Variants in USP42 observed in about 807,000 individuals in gnomAD.
The protein encoded by USP42 is ubiquitin carboxyl-terminal hydrolase 42.
Under a neutral mutation model 113.0 loss-of-function variants are expected in USP42, and 23 were observed. The ratio of observed to expected loss-of-function variants is 0.20; its 90% CI spans 0.15 to 0.29. The LOEUF is 0.29. USP42 is among the 10% of genes least tolerant of loss of function. USP42 has a pLI of 1.00. For synonymous variants in USP42, 933 were observed against 699.0 expected, an observed-to-expected ratio of 1.33 and a Z score of -5.28; for missense variants, 2,174 against 1,779.8, an observed-to-expected ratio of 1.22 and a Z score of -3.99.
intron 8 of USP42, among the ~76,000 whole-genome samples, 164 bp downstream of exon 8, chr7:6,143,178 T>C (rs575103403): frequency 5.9e-5 from 9 of 152,204 alleles, no homozygotes; most frequent in African/African-American, 1.9e-4. Flanking sequence ...CGGAGTGTCT[T>C]GATGTGTGTG....
At chr7:6,113,029 G>A (rs1244767090) in intron 2 of USP42, among the ~76,000 whole-genome samples, 8 of 148,574 alleles carry the variant, frequency 5.4e-5, no homozygotes, top group East Asian at 4.0e-4. Flanking sequence ...TCAGCCTCCC[G>A]AGTAGCTGGG....
At chr7:6,104,493 G>C (rs1779132100), upstream of USP42, among the ~76,000 whole-genome samples, 1 of 152,274 alleles carries the variant, frequency 6.6e-6, no homozygotes, top group African/African-American at 2.4e-5. Context: ...TCGGAGCCAA[G>C]TCCGTTTTCG....
At chr7:6,116,242 C>G (rs10272684) in intron 3 of USP42, among the ~76,000 whole-genome samples, 3 of 151,938 alleles carry the variant, frequency 2.0e-5, no homozygotes, top group East Asian at 1.9e-4. Flanking sequence ...GAGGGACTCT[C>G]TTGTCACTGC....
rs1782722253 is a variant in USP42 at position 6,160,623 on chromosome 7, C to G, written c.*105C>G. The G allele has an allele frequency of 6.6e-6, 1 of 152,660 alleles. No individual in the cohort carries two copies. Among genetic ancestry groups the G allele is most frequent in the Non-Finnish European group, 1.5e-5 (1 of 68,042 alleles). The allele number at this position is 152,660 out of a possible 1,614,324, so 9.5% of individuals were successfully genotyped here. ...TATAAAGATAGACAATAACTCTGTT[C>G]CAATCTGCGTGGTGCTTCTTTAGTA... On this transcript the variant is annotated 3_prime_UTR_variant, in exon 18 of 18. Transcript: ENST00000306177.
At position 6,111,194 on chromosome 7, in the gene USP42, G is replaced by T; in HGVS notation, c.61G>T (p.Gly21Cys). The part of the protein sequence containing the change: ...SDPSAYQNQP[G>C]SSEAVSPGDM... ...CCCATCAGCCTATCAGAATCAGCCT[G>T]GCAGCTCCGAGGCAGTCTCACCTGG... The change falls in exon 2 of 18, where the codon GGC (glycine) becomes TGC (cysteine). Residue 21 changes from glycine (G) to cysteine (C), a missense_variant. Physicochemically the swap from Gly to Cys is radical, Grantham distance 159 (BLOSUM62 -3). Transcript: ENST00000306177. The T allele has an allele frequency of 6.2e-7, 1 of 1,612,412 alleles. No individual in the cohort carries two copies.
chr7:6,107,142 CCA>C (rs1779328802), intron 1 of USP42, among the ~76,000 whole-genome samples: 1 of 152,112 alleles, frequency 6.6e-6, no homozygotes, highest in East Asian at 1.9e-4. Flanking sequence ...GTTGGTTTTT[CCA>C]CAGTTACAAT....
chr7:6,124,205 C>T (rs1156393173), intron 3 of USP42, among the ~76,000 whole-genome samples: 1 of 151,904 alleles, frequency 6.6e-6, no homozygotes, highest in East Asian at 1.9e-4. Context: ...TTCATGTTAG[C>T]ATGATATATT....
chr7:6,122,880 G>A lies in USP42; in HGVS notation c.442+7357G>A, dbSNP rs2128487879. Among the ~76,000 whole-genome samples, 4 of 151,944 alleles carry A rather than the reference G, an allele frequency of 2.6e-5. No homozygotes were observed. The South Asian group carries it at 8.3e-4, about 32-fold the overall frequency. ...CTGCTGGCGCCCAGGCTAGAGTGCA[G>A]TGGTATGATCTTGGTTCGCCGCAGC... On this transcript the variant is annotated intron_variant, in intron 3 of 17. Coordinates refer to ENST00000306177, the MANE Select transcript of USP42 (RefSeq NM_032172.3).
intron 9 of USP42, among the ~76,000 whole-genome samples, chr7:6,144,697 C>G (rs1054331525): frequency 3.9e-5 from 6 of 152,162 alleles, no homozygotes; most frequent in African/African-American, 9.6e-5. Flanking sequence ...TGGCAAAGCC[C>G]TGTTTCTACT....
the USP42 span, among the ~76,000 whole-genome samples, chr7:6,092,076 C>CTTCTTCTTCTTCTTTCTTCTTCTTTCT: frequency 4.2e-5 from 1 of 23,818 alleles, no homozygotes. Flanking sequence ...CTTCTTCTTC[C>CTTCTTCTTCTTCTTTCTTCTTCTTTCT]TCTTCCTCTT....
the USP42 span, chr7:6,081,633 A>T: frequency 1.3e-5 from 2 of 152,138 alleles, no homozygotes; most frequent in Non-Finnish European, 2.9e-5. Context: ...GGCGGCTACC[A>T]CGCGGGAGCA....
At chr7:6,131,219 C>A (rs1031008468) in intron 3 of USP42, among the ~76,000 whole-genome samples, 1 of 152,096 alleles carries the variant, frequency 6.6e-6, no homozygotes, top group Non-Finnish European at 1.5e-5. Flanking sequence ...ATAATTCTTA[C>A]AATTCCAGCA....
At chr7:6,142,189 A>G (rs1583653040) in intron 7 of USP42, among the ~76,000 whole-genome samples, 1 of 151,238 alleles carries the variant, frequency 6.6e-6, no homozygotes, top group Admixed American at 6.6e-5. Context: ...AGTGAACATC[A>G]TACTACTAAA....
rs1358101070 is a variant in USP42, at chr7:6,154,545, G to C, written c.2991G>C (p.Glu997Asp). 6.5e-7 allele frequency: 1 copy of C among 1,546,868 alleles called. No individual in the cohort carries two copies. The highest frequency in any genetic ancestry group is 2.4e-5 in the East Asian group (1 of 40,830). Residue 997 changes from glutamate to aspartate, a missense_variant, in exon 15 of 18, where the codon GAG becomes GAC. Coordinates refer to ENST00000306177, the MANE Select transcript of USP42 (RefSeq NM_032172.3). ...ACCGCCAGGACCGCCACGCCCCGGA[G>C]CACCACCCCGGCCACGGCGACAGGC... ...ERDRQDRHAP[E>D]HHPGHGDRLS...
the USP42 span, among the ~76,000 whole-genome samples, chr7:6,084,931 C>G: frequency 1.5e-4 from 23 of 150,628 alleles, 1 homozygote; most frequent in African/African-American, 5.7e-4. Context: ...GTTGGTCAAG[C>G]TGGTCTTGAA....
At position 6,153,993 on chromosome 7, in the gene USP42, A is replaced by C. The variant is rs762331236; in HGVS notation, c.2439A>C (p.Thr813=). 6.2e-7 allele frequency: 1 copy of C among 1,600,508 alleles called. No homozygotes were observed. The highest frequency in any genetic ancestry group is 8.5e-7 in the Non-Finnish European group (1 of 1,176,904). ...CCGGCGAGGACATCGTGGGGGACACAGCACCCCCTGACCTGTGTGATCCCG... is the reference window on the plus strand; with the variant it reads ...CCGGCGAGGACATCGTGGGGGACACCGCACCCCCTGACCTGTGTGATCCCG... ...PSAGEDIVGD[T]APPDLCDPGS... The change falls in exon 15 of 18, where the codon ACA becomes ACC. Residue 813 remains threonine (T), a synonymous_variant. Transcript: ENST00000306177.
At chr7:6,123,259 C>T (rs776592351) in intron 3 of USP42, among the ~76,000 whole-genome samples, 2 of 152,212 alleles carry the variant, frequency 1.3e-5, no homozygotes, top group Non-Finnish European at 2.9e-5. Context: ...CATGATGGCT[C>T]ATGCCTGTAA....
intron 7 of USP42, among the ~76,000 whole-genome samples, chr7:6,141,558 A>G (rs1005053093): frequency 3.4e-5 from 5 of 147,684 alleles, no homozygotes; most frequent in South Asian, 4.3e-4. Context: ...ACAGTTGGTT[A>G]TTATTATTTT....
intron 3 of USP42, among the ~76,000 whole-genome samples, chr7:6,132,667 T>TTTTGTTTG (rs1005930471): frequency 6.6e-6 from 1 of 151,488 alleles, no homozygotes; most frequent in Non-Finnish European, 1.5e-5. Flanking sequence ...CTATGTAATG[T>TTTTGTTTG]TTTGTTTGTT....
Sources: gnomAD v4.1 joint callset for allele counts (sites outside exome capture counted in the v4.1 genomes callset) on GRCh38, gnomAD v4.1.1 for gene constraint, MANE v1.5 for transcripts, NCBI Gene and HGNC (gene_info 2026-07-23, HGNC 2026-07-21) for gene names.